PEG3: variants seen among roughly 807,000 people sequenced by gnomAD.
PEG3 encodes paternally expressed 3, also known as paternally-expressed gene 3 protein.
PEG3 carries 23 observed loss-of-function variants against 35.5 expected under a neutral mutation model. The observed-to-expected ratio is 0.65, with a 90% CI of 0.47 to 0.92. PEG3 has a LOEUF of 0.92. Among genes scored for constraint, PEG3 ranks in the 40% least tolerant of loss-of-function variants. PEG3 has a pLI of 0.00. For synonymous variants in PEG3, 707 were observed against 697.0 expected (o/e 1.01, Z -0.23); for missense variants, 1,960 against 1,985.3 (o/e 0.99, Z 0.24).
rs773372889 is a variant in PEG3 at position 56,814,998 on chromosome 19, A to C, written c.3444T>G (p.His1148Gln). ...REYTHSVIHT[H>Q]SISEYQRDYT... ...AATCTCTCTGATACTCGCTGATGGAATGGGTGTGAATTACAGAATGTGTGT... is the reference window on the plus strand; with the variant it reads ...AATCTCTCTGATACTCGCTGATGGACTGGGTGTGAATTACAGAATGTGTGT... Residue 1148 changes from histidine (H) to glutamine (Q), a missense_variant, in exon 10 of 10, where the codon CAT becomes CAG. Physicochemically the swap from His to Gln is conservative, Grantham distance 24. Coordinates refer to ENST00000326441, the MANE Select transcript of PEG3 (RefSeq NM_006210.3). The surrounding 1 kb of genome is among the most constrained non-coding windows in gnomAD (Gnocchi z 5.8). 2 of 1,614,156 alleles carry C rather than the reference A, an allele frequency of 1.2e-6. No homozygotes were observed. Among genetic ancestry groups the C allele is most frequent in the East Asian group, 4.5e-5 (2 of 44,878 alleles).
chr19:56,830,261 A>G (rs1177769876), intron 2 of PEG3, among the ~76,000 whole-genome samples: 1 of 152,262 alleles, frequency 6.6e-6, no homozygotes, highest in African/African-American at 2.4e-5. Flanking sequence ...AACAAAGTCC[A>G]AATAATAGCC....
At position 56,815,681 on chromosome 19, in the gene PEG3, C is replaced by T. The variant is rs752285045; in HGVS notation, c.2761G>A (p.Glu921Lys). 8.7e-6 allele frequency: 14 copies of T among 1,613,984 alleles called. No homozygotes were observed. The Admixed American group carries it at 1.0e-4, about 12-fold the overall frequency. ...ACATTTGAGCTGGGAACAGAGAATT[C>T]GCCATCCTTCTTAAACTCACCAGAT... ...EGSGEFKKDG[E>K]FSVPSSNVRE... The change falls in exon 10 of 10, where the codon GAA (glutamate) becomes AAA (lysine). Residue 921 changes from glutamate (E) to lysine (K), a missense_variant. By Grantham distance (56) the Glu-to-Lys change is moderately conservative. Transcript: ENST00000326441.
At chr19:56,836,183 C>G in intron 1 of PEG3, 79 bp from the exon 2 acceptor site, 1 of 406,204 alleles carries the variant, frequency 2.5e-6, no homozygotes, top group Non-Finnish European at 5.0e-6. Flanking sequence ...AATACCACAA[C>G]AGTTCCACAT....
chr19:56,821,755 C>G lies in PEG3; in HGVS notation c.566-1G>C. ...AGGGAAAGATCCCGCGGAGGCATCC[C>G]TGGGAAGAAAAAAGGCATCAACAAG... is the stretch of plus-strand genomic sequence containing the variant. On this transcript the variant is annotated splice_acceptor_variant, in intron 6 of 9. Transcript: ENST00000326441. LOFTEE classifies it high-confidence loss of function. The G allele has an allele frequency of 6.2e-7, 1 of 1,613,762 alleles. No individual in the cohort carries two copies. Among genetic ancestry groups the G allele is most frequent in the Non-Finnish European group, 8.5e-7 (1 of 1,179,982 alleles).
At chr19:56,838,474 G>A (rs1174988336) in intron 1 of PEG3, among the ~76,000 whole-genome samples, 3 of 152,112 alleles carry the variant, frequency 2.0e-5, no homozygotes, top group African/African-American at 7.2e-5. Context: ...CCTTAGCCCC[G>A]CCAGCAGGGC....
chr19:56,840,397 T>C (rs1601373704), intron 1 of PEG3, among the ~76,000 whole-genome samples, 185 bp downstream of exon 1: 1 of 152,274 alleles, frequency 6.6e-6, no homozygotes, highest in East Asian at 1.9e-4. Context: ...GCCGCCACTG[T>C]GCCCACTCTC....
At position 56,816,541 on chromosome 19, in the gene PEG3, T is replaced by C; in HGVS notation, c.1901A>G (p.Glu634Gly). Residue 634 changes from glutamate (E) to glycine (G), a missense_variant, in exon 10 of 10, where the codon GAG (glutamate) becomes GGG (glycine). Transcript: ENST00000326441. ...EKMYECKVCG[E>G]TFLHSSSLKE... is the part of the protein sequence containing the mutation. ...CAGGGATGAGCTATGAAGGAAAGTC[T>C]CCCCACACACCTTACATTCGTACAT... 1 of 1,613,948 alleles carries C rather than the reference T, an allele frequency of 6.2e-7. No homozygotes were observed. Among genetic ancestry groups the C allele is most frequent in the South Asian group, 1.1e-5 (1 of 91,052 alleles).
intron 7 of PEG3, among the ~76,000 whole-genome samples, chr19:56,819,874 T>C (rs1600999136): frequency 6.6e-6 from 1 of 152,232 alleles, no homozygotes; most frequent in East Asian, 1.9e-4. Context: ...GAGGACTTGC[T>C]GAGTAAGCAA....
At chr19:56,817,865 CA>C in intron 8 of PEG3, 30 bp from the exon 9 acceptor site, 1 of 1,582,810 alleles carries the variant, frequency 6.3e-7, no homozygotes, top group African/African-American at 1.3e-5. Flanking sequence ...TATGATGCCT[CA>C]AATTCAAGTT....
intron 2 of PEG3, among the ~76,000 whole-genome samples, chr19:56,835,181 C>T (rs983339442): frequency 1.3e-5 from 2 of 152,136 alleles, no homozygotes; most frequent in Non-Finnish European, 2.9e-5. Context: ...GTCCACCCTC[C>T]CCTTCTGCAC....
chr19:56,829,867 A>T (rs1283513926), intron 2 of PEG3, among the ~76,000 whole-genome samples: 1 of 152,236 alleles, frequency 6.6e-6, no homozygotes. Flanking sequence ...TGCTCTGCCC[A>T]CTTGGCCCCC....
In PEG3 at chr19:56,811,440, C is replaced by T; in HGVS notation, c.*2235G>A. On this transcript the variant is annotated 3_prime_UTR_variant, in exon 10 of 10. Coordinates refer to ENST00000326441, the MANE Select transcript of PEG3 (RefSeq NM_006210.3). The stretch of plus-strand genomic sequence containing the variant: ...CTGTAAATATATTTCCACGTTGCTA[C>T]ATAACTCGTGATTATCATTTTTAAA... 1 of 933,688 alleles carries T rather than the reference C, an allele frequency of 1.1e-6. No homozygotes were observed. The allele number at this position is 933,688 out of a possible 1,614,324, so 57.8% of individuals were successfully genotyped here. A position where few individuals can be genotyped will look rare whatever the true frequency, so the allele number is the denominator to read the frequency against.
intron 2 of PEG3, among the ~76,000 whole-genome samples, chr19:56,828,506 G>A (rs1164463172): frequency 6.6e-6 from 1 of 152,136 alleles, no homozygotes; most frequent in Non-Finnish European, 1.5e-5. Context: ...AGAGAACAGG[G>A]ACAGTCAAAC....
In PEG3 at chr19:56,811,877, T is replaced by G; in HGVS notation, c.*1798A>C. On this transcript the variant is annotated 3_prime_UTR_variant, in exon 10 of 10. Coordinates refer to ENST00000326441, the MANE Select transcript of PEG3 (RefSeq NM_006210.3). ...CTTGCCTCTGGTGTTTTCTTCTGTC[T>G]GTCTCCTCTCCCCTCCTAGATCTGG... The G allele has an allele frequency of 1.0e-6, 1 of 985,508 alleles. No individual in the cohort carries two copies. The highest frequency in any genetic ancestry group is 1.2e-6 in the Non-Finnish European group (1 of 829,972). 61.0% of individuals were successfully genotyped at this position (985,508 alleles called of 1,614,324 possible). A position where few individuals can be genotyped will look rare whatever the true frequency, so the allele number is the denominator to read the frequency against.
intron 3 of PEG3, among the ~76,000 whole-genome samples, chr19:56,825,960 G>A (rs1256234800): frequency 2.6e-5 from 4 of 152,130 alleles, no homozygotes; most frequent in Non-Finnish European, 5.9e-5. Context: ...CCCTCCCTAT[G>A]CAAACTGCCC....
intron 1 of PEG3, among the ~76,000 whole-genome samples, chr19:56,839,243 G>T (rs2062640746): frequency 6.7e-6 from 1 of 149,416 alleles, no homozygotes; most frequent in South Asian, 2.1e-4. Flanking sequence ...CACCTGCGCA[G>T]CAAACTCCAG....
chr19:56,824,475 G>T lies in PEG3; in HGVS notation c.181C>A (p.Arg61=), dbSNP rs1048452080. The change falls in exon 4 of 10, where the codon CGG becomes AGG. Residue 61 remains arginine (R), a synonymous_variant. Transcript: ENST00000326441. ...NLIYVEFVGP[R]KTLIKLRNLC... ...TTTCGGAGTTTGATCAGGGTCTTCC[G>T]AGGCCCAACAAATTCCACATAGATT... 5 of 1,614,026 alleles carry T rather than the reference G, an allele frequency of 3.1e-6. No individual in the cohort carries two copies. The African/African-American group carries it at 4.0e-5, about 13-fold the overall frequency.
At chr19:56,833,560 A>T (rs909920942) in intron 2 of PEG3, 2 of 206,844 alleles carry the variant, frequency 9.7e-6, no homozygotes, top group Admixed American at 1.1e-4. Flanking sequence ...TGCATGCTAC[A>T]GCCTGATTCC....
At chr19:56,834,884 G>A (rs151227255) in intron 2 of PEG3, among the ~76,000 whole-genome samples, 18 of 152,240 alleles carry the variant, frequency 1.2e-4, no homozygotes, top group African/African-American at 4.1e-4. Flanking sequence ...ATTCACTTCT[G>A]GAGACTCTAA....
Sources: allele counts gnomAD v4.1 joint callset (sites outside exome capture counted in the v4.1 genomes callset), GRCh38; gene constraint gnomAD v4.1.1; non-coding constraint Gnocchi (gnomAD v3.1); transcripts MANE v1.5; gene names NCBI Gene and HGNC (gene_info 2026-07-23, HGNC 2026-07-21).